Variants in SDK1 observed in about 807,000 individuals in gnomAD.
SDK1 encodes protein sidekick-1.
A neutral mutation model predicts 245.5 loss-of-function variants in SDK1; 157 were observed. The observed-to-expected ratio is 0.64, with a 90% CI of 0.56 to 0.73. SDK1 has a LOEUF of 0.73. Ranked by LOEUF, SDK1 falls within the 30% of genes least tolerant of loss-of-function variation. The pLI, the probability that SDK1 is intolerant of heterozygous loss-of-function variation, is 0.00. For missense variants in SDK1, 3,583 were observed against 3,002.3 expected (o/e 1.19, Z -4.52); for synonymous variants, 1,647 against 1,278.5 (o/e 1.29, Z -6.15).
intron 21 of SDK1, among the ~76,000 whole-genome samples, chr7:4,078,413 A>G (rs1223350260): frequency 6.6e-6 from 1 of 152,152 alleles, no homozygotes; most frequent in Non-Finnish European, 1.5e-5. Context: ...AACATTTTCT[A>G]TTTCAAATTC....
chr7:3,793,615 A>T (rs186749571), intron 4 of SDK1, among the ~76,000 whole-genome samples: 96 of 152,268 alleles, frequency 6.3e-4, no homozygotes, highest in African/African-American at 2.2e-3. Context: ...CAACTAAGCA[A>T]TCTTGTTTTT....
rs1780856225 is a variant in SDK1, at chr7:3,951,837, A to ACACCGGGC, written c.1070_1077dup (p.Tyr360ProfsTer27). ...ACCATCAGCAACCCGACGTCCGCGG[A>ACACCGGGC]CACCGGGCCATACGTCTGCGAGGCG... On this transcript the variant is annotated frameshift_variant, in exon 7 of 45. Transcript: ENST00000404826. LOFTEE classifies it high-confidence loss of function. 6.2e-7 allele frequency: 1 copy of ACACCGGGC among 1,613,736 alleles called. No homozygotes were observed. The highest frequency in any genetic ancestry group is 1.7e-5 in the Admixed American group (1 of 60,006).
rs891870244 is a variant in SDK1 at position 3,354,714 on chromosome 7, G to C, written c.298+52830G>C. 7.9e-5 allele frequency among the ~76,000 whole-genome samples: 12 copies of C among 152,170 alleles called. No individual in the cohort carries two copies. In the East Asian group the frequency reaches 1.9e-3, roughly 24 times the overall value. ...AGGTCTTGGGTAGATTATTTAAATA[G>C]CCCTGCTAGCTAATATGTTAACCCC... is the stretch of plus-strand genomic sequence containing the variant. On this transcript the variant is annotated intron_variant, in intron 1 of 44. Transcript: ENST00000404826.
At chr7:3,574,097 C>G (rs1025694178) in intron 1 of SDK1, among the ~76,000 whole-genome samples, 3 of 151,588 alleles carry the variant, frequency 2.0e-5, no homozygotes, top group Admixed American at 6.6e-5. Context: ...CCTGATCAGA[C>G]TAGACATATA....
At chr7:4,142,692 A>C (rs1291014273) in intron 28 of SDK1, among the ~76,000 whole-genome samples, 1 of 152,028 alleles carries the variant, frequency 6.6e-6, no homozygotes, top group East Asian at 1.9e-4. Flanking sequence ...CAAAGTCTTG[A>C]CCTCAAGTGA....
At chr7:4,149,574 G>A (rs1780216724) in intron 30 of SDK1, 111 bp downstream of exon 30, 6 of 643,682 alleles carry the variant, frequency 9.3e-6, no homozygotes, top group Non-Finnish European at 1.2e-5. Context: ...GCACCCCTGA[G>A]AGCACAGGCC....
At chr7:4,146,307 C>T (rs1020048397) in intron 29 of SDK1, among the ~76,000 whole-genome samples, 1 of 151,406 alleles carries the variant, frequency 6.6e-6, no homozygotes, top group Admixed American at 6.6e-5. Flanking sequence ...CATTGCATGA[C>T]ACACTTTCAG....
chr7:4,074,979 C>G (rs1460142209), intron 20 of SDK1, among the ~76,000 whole-genome samples: 1 of 145,658 alleles, frequency 6.9e-6, no homozygotes, highest in South Asian at 2.2e-4. Context: ...AGTGGTTGGC[C>G]TGGGTAGTCG....
intron 19 of SDK1, among the ~76,000 whole-genome samples, chr7:4,055,034 G>A (rs887603515): frequency 1.2e-4 from 19 of 152,170 alleles, no homozygotes; most frequent in African/African-American, 4.6e-4. Context: ...GTAAGTTCAT[G>A]AGAGATATTA....
chr7:4,036,167 A>G (rs969673326), intron 17 of SDK1, among the ~76,000 whole-genome samples: 1 of 152,220 alleles, frequency 6.6e-6, no homozygotes, highest in Non-Finnish European at 1.5e-5. Context: ...GGAGGTCACA[A>G]TTGCTGGGAA....
chr7:3,597,354 T>C (rs1191814990), intron 1 of SDK1, among the ~76,000 whole-genome samples: 1 of 151,504 alleles, frequency 6.6e-6, no homozygotes, highest in Non-Finnish European at 1.5e-5. Context: ...AGAAAACTTC[T>C]CCCCTTTTGG....
At chr7:4,113,561 C>A in intron 24 of SDK1, 122 bp downstream of exon 24, 3 of 1,132,718 alleles carry the variant, frequency 2.6e-6, no homozygotes, top group Admixed American at 2.4e-5. Context: ...CTAATCTCAT[C>A]GTCAAACCAA....
chr7:3,580,307 G>A (rs532796296), intron 1 of SDK1, among the ~76,000 whole-genome samples: 1 of 152,218 alleles, frequency 6.6e-6, no homozygotes, highest in Middle Eastern at 3.4e-3. Context: ...AAATTCACAT[G>A]GAACCAAAAG....
At chr7:3,792,179 G>A (rs193259757) in intron 4 of SDK1, among the ~76,000 whole-genome samples, 1 of 151,926 alleles carries the variant, frequency 6.6e-6, no homozygotes, top group Admixed American at 6.6e-5. Flanking sequence ...CCTTAAACTG[G>A]GCCTCTCATA....
intron 1 of SDK1, among the ~76,000 whole-genome samples, chr7:3,512,969 T>C (rs911612035): frequency 5.3e-5 from 8 of 152,178 alleles, no homozygotes; most frequent in African/African-American, 9.7e-5. Context: ...AATATTGCCA[T>C]TGAGATGATT....
At chr7:3,746,206 G>A (rs1269643972) in intron 4 of SDK1, among the ~76,000 whole-genome samples, 1 of 152,138 alleles carries the variant, frequency 6.6e-6, no homozygotes, top group African/African-American at 2.4e-5. Flanking sequence ...TTTATTAAGT[G>A]TGCAATAGCA....
chr7:4,166,392 G>A (rs1437268082), intron 32 of SDK1, among the ~76,000 whole-genome samples: 2 of 152,254 alleles, frequency 1.3e-5, no homozygotes, highest in African/African-American at 4.8e-5. Context: ...GGCATTGATA[G>A]GAAGACAGCA....
intron 14 of SDK1, among the ~76,000 whole-genome samples, chr7:3,997,195 CCT>C (rs1784748110): frequency 6.6e-6 from 1 of 152,152 alleles, no homozygotes; most frequent in Admixed American, 6.5e-5. Flanking sequence ...CAGCCAGAAA[CCT>C]CTGTGGCTGG....
At chr7:4,107,509 A>G (rs2128189520) in intron 22 of SDK1, among the ~76,000 whole-genome samples, 1 of 151,354 alleles carries the variant, frequency 6.6e-6, no homozygotes, top group Admixed American at 6.6e-5. Context: ...TTAAACAAAC[A>G]AAACGTATTC....
Sources: allele counts gnomAD v4.1 joint callset (sites outside exome capture counted in the v4.1 genomes callset), GRCh38; gene constraint gnomAD v4.1.1; transcripts MANE v1.5; gene names NCBI Gene and HGNC (gene_info 2026-07-23, HGNC 2026-07-21).